Variants in SELE observed in about 807,000 individuals in gnomAD.
SELE encodes E-selectin.
In SELE, 52 loss-of-function variants were observed where a neutral mutation model predicts 75.8. The ratio of observed to expected loss-of-function variants is 0.69; its 90% confidence interval spans 0.55 to 0.86. SELE has a LOEUF of 0.86. Ranked by LOEUF, SELE falls within the 40% of genes least tolerant of loss-of-function variation. The pLI is 0.00. For synonymous variants in SELE, 285 were observed against 258.7 expected (o/e 1.10, Z -0.98); for missense variants, 754 against 732.7 (o/e 1.03, Z -0.34).
At chr1:169,724,830 T>C (rs898721618) in intron 13 of SELE, among the ~76,000 whole-genome samples, 2 of 152,232 alleles carry the variant, frequency 1.3e-5, no homozygotes, top group Non-Finnish European at 2.9e-5. Context: ...TGGGGAGATA[T>C]GTTGGAACTC....
chr1:169,733,839 G>A, intron 1 of SELE, 132 bp downstream of exon 1: 2 of 569,562 alleles, frequency 3.5e-6, no homozygotes, highest in East Asian at 2.9e-5. Flanking sequence ...TCATTATTTA[G>A]GTCAAAGAGA....
intron 13 of SELE, 35 bp downstream of exon 13, chr1:169,725,694 C>A: frequency 6.5e-7 from 1 of 1,538,362 alleles, no homozygotes; most frequent in Non-Finnish European, 9.0e-7. Context: ...GAGAAGATAC[C>A]TCTCTCATAA....
intron 5 of SELE, among the ~76,000 whole-genome samples, chr1:169,730,079 C>A (rs890508718): frequency 2.6e-5 from 4 of 152,046 alleles, no homozygotes; most frequent in Non-Finnish European, 4.4e-5. Flanking sequence ...AAAAGAGATA[C>A]TAAGACTGCT....
Position 169,729,349 on chromosome 1 carries a change from C to T in SELE, c.927G>A (p.Gln309=), listed in dbSNP as rs367638060. Residue 309 remains glutamine, a synonymous_variant, in exon 7 of 14, where the codon CAG becomes CAA. Transcript: ENST00000333360. The part of the protein sequence containing the change: ...CKAVTCRAVR[Q]PQNGSVRCSH... ...TGCACCTCACAGAGCCATTCTGAGG[C>T]TGGCGGACGGCCCTGCATGTCACAG... 1.9e-6 allele frequency: 3 copies of T among 1,613,926 alleles called. No individual in the cohort carries two copies.
At chr1:169,733,821 T>A (rs1648977505) in intron 1 of SELE, 150 bp downstream of exon 1, 2 of 585,122 alleles carry the variant, frequency 3.4e-6, no homozygotes, top group Non-Finnish European at 3.0e-6. Context: ...AAACAAATTT[T>A]AAGACTTTCA....
At chr1:169,728,992 A>C (rs1648841627) in intron 7 of SELE, among the ~76,000 whole-genome samples, 194 bp downstream of exon 7, 1 of 152,202 alleles carries the variant, frequency 6.6e-6, no homozygotes, top group Non-Finnish European at 1.5e-5. Context: ...AAAACAGCAA[A>C]GAATTCATTC....
At chr1:169,730,399 C>T (rs1648882272) in intron 5 of SELE, 33 bp downstream of exon 5, 2 of 1,514,174 alleles carry the variant, frequency 1.3e-6, no homozygotes, top group Non-Finnish European at 1.8e-6. Flanking sequence ...GGATGAGTTA[C>T]AGAACGTTCT....
At chr1:169,730,099 T>C (rs558418057) in intron 5 of SELE, among the ~76,000 whole-genome samples, 2 of 152,264 alleles carry the variant, frequency 1.3e-5, no homozygotes, top group South Asian at 2.1e-4. Context: ...TTGACTATCA[T>C]GGTCTTAAGT....
chr1:169,725,603 T>C (rs932502040), intron 13 of SELE, 126 bp downstream of exon 13: 5 of 691,322 alleles, frequency 7.2e-6, no homozygotes, highest in Middle Eastern at 3.5e-4. Flanking sequence ...TCCAGAACAA[T>C]ACCCAGGTGA....
chr1:169,733,569 G>C lies in SELE; in HGVS notation c.37+7C>G. On this transcript the variant is annotated splice_region_variant and intron_variant, in intron 2 of 13. Coordinates refer to ENST00000333360, the MANE Select transcript of SELE (RefSeq NM_000450.2). The stretch of plus-strand genomic sequence containing the variant: ...TGAGAAATCTTGGTCTAATGGCACT[G>C]ACTTACCCAAAGTGAGAGCTGAGAG... 1 of 1,613,428 alleles carries C rather than the reference G, an allele frequency of 6.2e-7. No homozygotes were observed. The highest frequency in any genetic ancestry group is 1.3e-5 in the African/African-American group (1 of 75,046).
In SELE at chr1:169,728,057, C is replaced by A. The variant is rs1285294104; in HGVS notation, c.1279+1G>T. ...AAATAAAATAAAAACAAAGACTGTA[C>A]CTTCACATGTGGGCTTCTCGTTGTC... On this transcript the variant is annotated splice_donor_variant, in intron 8 of 13. Coordinates refer to ENST00000333360, the MANE Select transcript of SELE (RefSeq NM_000450.2). LOFTEE classifies it high-confidence loss of function. 1.2e-6 allele frequency: 2 copies of A among 1,607,260 alleles called. No homozygotes were observed. Among genetic ancestry groups the A allele is most frequent in the Non-Finnish European group, 8.5e-7 (1 of 1,178,316 alleles).
At chr1:169,729,467 C>T (rs964539197) in intron 6 of SELE, 21 bp downstream of exon 6, 1 of 1,612,592 alleles carries the variant, frequency 6.2e-7, no homozygotes, top group Non-Finnish European at 8.5e-7. Flanking sequence ...CACAGTAAGT[C>T]TCCATGTGGA....
At position 169,729,322 on chromosome 1, in the gene SELE, G is replaced by A; in HGVS notation, c.954C>T (p.Ser318=). 1 of 1,614,114 alleles carries A rather than the reference G, an allele frequency of 6.2e-7. No homozygotes were observed. The highest frequency in any genetic ancestry group is 8.5e-7 in the Non-Finnish European group (1 of 1,180,004). The change falls in exon 7 of 14, where the codon AGC becomes AGT. Residue 318 remains serine, a synonymous_variant. Coordinates refer to ENST00000333360, the MANE Select transcript of SELE (RefSeq NM_000450.2). ...RQPQNGSVRC[S]HSPAGEFTFK... is the part of the protein sequence containing the mutation. ...AGGTGAACTCTCCAGCAGGGGAATG[G>A]CTGCACCTCACAGAGCCATTCTGAG...
Position 169,723,382 on chromosome 1 carries a change from A to G in SELE, c.*1143T>C, listed in dbSNP as rs772624071. 2 of 152,254 alleles carry G rather than the reference A, an allele frequency of 1.3e-5. No individual in the cohort carries two copies. The highest frequency in any genetic ancestry group is 2.4e-5 in the African/African-American group (1 of 41,468). 9.4% of individuals were successfully genotyped at this position (152,254 alleles called of 1,614,324 possible). On this transcript the variant is annotated 3_prime_UTR_variant, in exon 14 of 14. Coordinates refer to ENST00000333360, the MANE Select transcript of SELE (RefSeq NM_000450.2). The stretch of plus-strand genomic sequence containing the variant: ...TACAAGAATTATGTTTACATATCAT[A>G]TCTGACAAACATCTTTGTAGGAATG...
chr1:169,724,481 T>G lies in SELE; in HGVS notation c.*44A>C. On this transcript the variant is annotated 3_prime_UTR_variant, in exon 14 of 14. Coordinates refer to ENST00000333360, the MANE Select transcript of SELE (RefSeq NM_000450.2). ...ATCTGTCTCTGTTAACTTCAGTGTA[T>G]CCCTCTAGTTCCCCAGATGCACCTG... The G allele has an allele frequency of 6.6e-6, 1 of 152,208 alleles. No homozygotes were observed. The highest frequency in any genetic ancestry group is 1.9e-4 in the East Asian group (1 of 5,200). The allele number at this position is 152,208 out of a possible 1,614,324, so 9.4% of individuals were successfully genotyped here.
At chr1:169,727,624 T>C in intron 9 of SELE, 99 bp from the exon 10 acceptor site, 1 of 1,536,400 alleles carries the variant, frequency 6.5e-7, no homozygotes, top group Non-Finnish European at 8.8e-7. Context: ...GTGTAAGCGC[T>C]ACTTAGTTTT....
rs371647872 is a variant in SELE, at chr1:169,732,602, G to A, written c.421+13C>T. The A allele has an allele frequency of 1.8e-5, 27 of 1,540,764 alleles. No individual in the cohort carries two copies. The highest frequency in any genetic ancestry group is 4.5e-5 in the East Asian group (2 of 44,030). ...ACTGAAACTACCTCCCACTGCTGCC[G>A]CAAACTCCCTACCTGTGTAGCATAG... is the stretch of plus-strand genomic sequence containing the variant. On this transcript the variant is annotated intron_variant, in intron 3 of 13. Coordinates refer to ENST00000333360, the MANE Select transcript of SELE (RefSeq NM_000450.2).
rs573424874 is a variant in SELE, at chr1:169,724,101, A to T, written c.*424T>A. On this transcript the variant is annotated 3_prime_UTR_variant, in exon 14 of 14. Transcript: ENST00000333360. Reference sequence around the variant, plus strand: ...TGGATAATTATTATTCATTCTTATGACAGCAACTGTGTAATCAGCTGTCGA... The same window carrying T: ...TGGATAATTATTATTCATTCTTATGTCAGCAACTGTGTAATCAGCTGTCGA... The T allele has an allele frequency of 6.6e-6, 1 of 152,298 alleles. No individual in the cohort carries two copies. Among genetic ancestry groups the T allele is most frequent in the East Asian group, 1.9e-4 (1 of 5,190 alleles). 9.4% of individuals were successfully genotyped at this position (152,298 alleles called of 1,614,324 possible).
chr1:169,725,652 T>G, intron 13 of SELE, 77 bp downstream of exon 13: 2 of 1,236,270 alleles, frequency 1.6e-6, no homozygotes, highest in Non-Finnish European at 2.4e-6. Context: ...TATTGGCAAG[T>G]TTGGAGGGTT....
Sources: allele counts gnomAD v4.1 joint callset (sites outside exome capture counted in the v4.1 genomes callset), GRCh38; gene constraint gnomAD v4.1.1; transcripts MANE v1.5; gene names NCBI Gene and HGNC (gene_info 2026-07-23, HGNC 2026-07-21).